EPB41L4A: variants seen among roughly 807,000 people sequenced by gnomAD.
EPB41L4A encodes band 4.1-like protein 4A.
A neutral mutation model predicts 108.6 loss-of-function variants in EPB41L4A; 100 were observed. The observed-to-expected ratio is 0.92, with a 90% CI of 0.78 to 1.09. The LOEUF (loss-of-function observed/expected upper bound fraction) is 1.09. EPB41L4A is among the 50% of genes least tolerant of loss of function. EPB41L4A has a pLI of 0.00. For missense variants in EPB41L4A, 1,030 were observed against 842.7 expected (o/e 1.22, Z -2.75); for synonymous variants, 319 against 289.0 (o/e 1.10, Z -1.05).
chr5:112,340,774 T>G (rs1262265313), intron 1 of EPB41L4A, among the ~76,000 whole-genome samples: 1 of 152,208 alleles, frequency 6.6e-6, no homozygotes, highest in African/African-American at 2.4e-5. Flanking sequence ...GGACGTATAT[T>G]GTTGCTCCTA....
At chr5:112,373,790 C>G (rs1759637956) in intron 1 of EPB41L4A, among the ~76,000 whole-genome samples, 2 of 152,174 alleles carry the variant, frequency 1.3e-5, no homozygotes, top group South Asian at 2.1e-4. Context: ...CAGTCAACAT[C>G]AGAAAGGTCC....
chr5:112,404,026 A>G (rs1054093173), intron 1 of EPB41L4A, among the ~76,000 whole-genome samples: 1 of 152,268 alleles, frequency 6.6e-6, no homozygotes, highest in Non-Finnish European at 1.5e-5. Flanking sequence ...CATGCAATAA[A>G]TCAGTTTTCT....
chr5:112,161,408 C>G (rs992921970), downstream of EPB41L4A: 3 of 440,732 alleles, frequency 6.8e-6, no homozygotes, highest in Non-Finnish European at 1.3e-5. Flanking sequence ...AATGTATTGT[C>G]CGTTTTTAGG....
chr5:112,374,841 C>T (rs1426871253), intron 1 of EPB41L4A, among the ~76,000 whole-genome samples: 1 of 152,208 alleles, frequency 6.6e-6, no homozygotes, highest in Non-Finnish European at 1.5e-5. Context: ...CCAAGTCTAT[C>T]CTGTGGCCTT....
At chr5:112,252,657 T>C (rs985107572) in intron 9 of EPB41L4A, among the ~76,000 whole-genome samples, 6 of 151,916 alleles carry the variant, frequency 3.9e-5, no homozygotes, top group Non-Finnish European at 7.4e-5. Flanking sequence ...TGAATACACA[T>C]GAACATGAAG....
At position 112,186,423 on chromosome 5, in the gene EPB41L4A, G is replaced by A. The variant is rs80149901; in HGVS notation, c.1503-2288C>T. ...TAAAACTCCTGAGACATAAGCATGC[G>A]TATTTCCTGTATCCTGCTATAATAG... On this transcript the variant is annotated intron_variant, in intron 17 of 22. Transcript: ENST00000261486. 4.1e-3 allele frequency among the ~76,000 whole-genome samples: 621 copies of A among 152,252 alleles called. 8 individuals are homozygous for A. The highest frequency in any genetic ancestry group is 0.014 in the African/African-American group (581 of 41,542).
intron 9 of EPB41L4A, among the ~76,000 whole-genome samples, chr5:112,256,682 T>A (rs1029054582): frequency 6.6e-6 from 1 of 152,088 alleles, no homozygotes; most frequent in Non-Finnish European, 1.5e-5. Context: ...AAAATTCTTA[T>A]GATACAATAT....
chr5:112,374,804 G>A (rs536889727), intron 1 of EPB41L4A, among the ~76,000 whole-genome samples: 89 of 152,242 alleles, frequency 5.8e-4, no homozygotes, highest in Non-Finnish European at 1.1e-3. Context: ...TTTTTCTCAG[G>A]CAAGACTGTC....
chr5:112,317,014 T>C (rs1755469819), intron 1 of EPB41L4A, among the ~76,000 whole-genome samples: 1 of 152,196 alleles, frequency 6.6e-6, no homozygotes. Context: ...AGCATCAGTC[T>C]TGCTACACTC....
chr5:112,349,728 AC>A lies in EPB41L4A; in HGVS notation c.100-42239del, dbSNP rs549867868. Among the ~76,000 whole-genome samples, 136 of 152,330 alleles carry A rather than the reference AC, an allele frequency of 8.9e-4. 3 individuals are homozygous for A. Among genetic ancestry groups the A allele is most frequent in the South Asian group, 8.7e-3 (42 of 4,826 alleles). On this transcript the variant is annotated intron_variant, in intron 1 of 22. Coordinates refer to ENST00000261486, the MANE Select transcript of EPB41L4A (RefSeq NM_022140.5). ...AAAGACACTGAAGGAGATGTCCAGA[AC>A]AACATGGGGTCCAAAATGGCATGGA...
intron 22 of EPB41L4A, among the ~76,000 whole-genome samples, chr5:112,167,150 A>G (rs1580353412): frequency 6.6e-6 from 1 of 151,996 alleles, no homozygotes; most frequent in Non-Finnish European, 1.5e-5. Flanking sequence ...ACACCGAAAG[A>G]TAACTGCTTA....
At chr5:112,180,604 A>C (rs984016105) in intron 18 of EPB41L4A, among the ~76,000 whole-genome samples, 4 of 152,068 alleles carry the variant, frequency 2.6e-5, no homozygotes, top group Non-Finnish European at 4.4e-5. Flanking sequence ...GCTGCTAGAA[A>C]AAGATATAAG....
chr5:112,412,712 G>A (rs1018606315), intron 1 of EPB41L4A, among the ~76,000 whole-genome samples: 1 of 152,120 alleles, frequency 6.6e-6, no homozygotes, highest in Non-Finnish European at 1.5e-5. Flanking sequence ...ATGACCAGGA[G>A]CAATATGCAG....
At chr5:112,389,655 C>CT (rs1456927684) in intron 1 of EPB41L4A, among the ~76,000 whole-genome samples, 1 of 152,120 alleles carries the variant, frequency 6.6e-6, no homozygotes, top group African/African-American at 2.4e-5. Context: ...CCTTCTTTAG[C>CT]TTTTTTTCCC....
At chr5:112,147,115 G>A (rs994684030) in intron 12 of EPB41L4A, among the ~76,000 whole-genome samples, 2 of 151,998 alleles carry the variant, frequency 1.3e-5, no homozygotes, top group African/African-American at 4.8e-5. Flanking sequence ...GGCTTGTACT[G>A]CCACCTGGTG....
At chr5:112,278,165 A>G (rs2150499566) in intron 3 of EPB41L4A, among the ~76,000 whole-genome samples, 1 of 152,322 alleles carries the variant, frequency 6.6e-6, no homozygotes. Context: ...TCACTATCAA[A>G]TAATTTCATG....
chr5:112,191,213 C>G (rs1169424829), intron 17 of EPB41L4A, among the ~76,000 whole-genome samples: 1 of 151,998 alleles, frequency 6.6e-6, no homozygotes, highest in African/African-American at 2.4e-5. Flanking sequence ...AAACGATGTC[C>G]CAAATAAAGA....
At chr5:112,399,392 G>C (rs1323377150) in intron 1 of EPB41L4A, among the ~76,000 whole-genome samples, 3 of 152,116 alleles carry the variant, frequency 2.0e-5, no homozygotes, top group African/African-American at 7.2e-5. Flanking sequence ...TCACCATCCA[G>C]GTTCCCCACT....
intron 17 of EPB41L4A, 43 bp from the exon 18 acceptor site, chr5:112,184,178 T>C (rs1761310723): frequency 6.2e-7 from 1 of 1,605,784 alleles, no homozygotes; most frequent in Non-Finnish European, 8.5e-7. Context: ...TCTACATGGA[T>C]GGCGCGTTTT....
Sources: allele counts gnomAD v4.1 joint callset (sites outside exome capture counted in the v4.1 genomes callset), GRCh38; gene constraint gnomAD v4.1.1; transcripts MANE v1.5; gene names NCBI Gene and HGNC (gene_info 2026-07-23, HGNC 2026-07-21).